The following ARHGAP10 variants were observed in gnomAD, a reference collection of about 807,000 sequenced individuals.
ARHGAP10 encodes the protein rho GTPase-activating protein 10.
ARHGAP10 carries 87 observed loss-of-function variants against 108.6 expected under a neutral mutation model. The observed-to-expected ratio is 0.80, with a 90% CI of 0.67 to 0.96. ARHGAP10 has a LOEUF of 0.96. Ranked by LOEUF, ARHGAP10 falls within the 40% of genes least tolerant of loss-of-function variation. The pLI, the probability that ARHGAP10 is intolerant of heterozygous loss-of-function variation, is 0.00. For synonymous variants in ARHGAP10, 347 were observed against 341.1 expected, an observed-to-expected ratio of 1.02 and a Z score of -0.19; for missense variants, 939 against 954.5, an observed-to-expected ratio of 0.98 and a Z score of 0.21.
At chr4:147,821,931 C>A (rs113773616) in intron 1 of ARHGAP10, among the ~76,000 whole-genome samples, 3,137 of 152,264 alleles carry the variant, frequency 0.021, 102 homozygotes, top group African/African-American at 0.068. Flanking sequence ...GCTGTGCCAA[C>A]CTTATGCAAA....
chr4:147,922,644 C>T (rs1272799689), intron 13 of ARHGAP10, among the ~76,000 whole-genome samples: 6 of 147,990 alleles, frequency 4.1e-5, no homozygotes, highest in Non-Finnish European at 7.4e-5. Context: ...GCCGAGATCC[C>T]GCCACTGCAC....
At chr4:147,738,557 C>T (rs1013269126) in intron 1 of ARHGAP10, among the ~76,000 whole-genome samples, 7 of 151,020 alleles carry the variant, frequency 4.6e-5, no homozygotes, top group East Asian at 3.9e-4. Context: ...TGTCTCCCCC[C>T]CCCAAAAAAA....
At chr4:148,039,693 T>G (rs1328024501) in intron 19 of ARHGAP10, among the ~76,000 whole-genome samples, 1 of 152,140 alleles carries the variant, frequency 6.6e-6, no homozygotes, top group African/African-American at 2.4e-5. Context: ...GATCTGCTTT[T>G]TCCATATGGG....
At chr4:147,799,931 G>A (rs2126759457) in intron 1 of ARHGAP10, among the ~76,000 whole-genome samples, 1 of 152,222 alleles carries the variant, frequency 6.6e-6, no homozygotes, top group African/African-American at 2.4e-5. Context: ...CGGGCAGTGG[G>A]AATGTTCTGA....
At chr4:147,897,687 A>G (rs149806117) in intron 10 of ARHGAP10, among the ~76,000 whole-genome samples, 4 of 152,326 alleles carry the variant, frequency 2.6e-5, no homozygotes, top group African/African-American at 7.2e-5. Flanking sequence ...CTAATTCTAC[A>G]TACACTATGA....
chr4:147,896,299 G>A (rs6843392), intron 10 of ARHGAP10, among the ~76,000 whole-genome samples: 15,978 of 151,738 alleles, frequency 0.11, 959 homozygotes, highest in East Asian at 0.28. Context: ...AAGTGTTTGA[G>A]GTAATTCACC....
intron 9 of ARHGAP10, among the ~76,000 whole-genome samples, chr4:147,881,568 A>G (rs991893958): frequency 6.6e-6 from 1 of 151,204 alleles, no homozygotes; most frequent in African/African-American, 2.4e-5. Context: ...AACCTGGGAG[A>G]TGGAGGTTGC....
chr4:148,018,141 G>A (rs1741421282), intron 18 of ARHGAP10, among the ~76,000 whole-genome samples: 1 of 152,110 alleles, frequency 6.6e-6, no homozygotes, highest in African/African-American at 2.4e-5. Flanking sequence ...TAAATACGTA[G>A]GTGCTGTGAA....
chr4:147,748,802 A>G (rs1394159577), intron 1 of ARHGAP10, among the ~76,000 whole-genome samples: 1 of 151,950 alleles, frequency 6.6e-6, no homozygotes, highest in East Asian at 1.9e-4. Flanking sequence ...CCCTATTTCT[A>G]AAAACAGGGT....
chr4:147,907,663 G>C (rs928539825), intron 11 of ARHGAP10, among the ~76,000 whole-genome samples: 1 of 152,202 alleles, frequency 6.6e-6, no homozygotes, highest in African/African-American at 2.4e-5. Flanking sequence ...AGGCTGATCA[G>C]TAGCGCATGT....
At position 147,901,588 on chromosome 4, in the gene ARHGAP10, C is replaced by T. The variant is rs549811601; in HGVS notation, c.1035-5050C>T. ...AGGGCTGTGTGGCTCAAGTTTGAGT[C>T]GTTGTGCTTGGAGGCAAGACATATA... is the stretch of plus-strand genomic sequence containing the variant. On this transcript the variant is annotated intron_variant, in intron 10 of 22. Transcript: ENST00000336498. 1.1e-4 allele frequency among the ~76,000 whole-genome samples: 16 copies of T among 152,320 alleles called. No individual in the cohort carries two copies. The South Asian group carries it at 2.3e-3, about 22-fold the overall frequency.
chr4:147,740,393 C>T (rs113965571), intron 1 of ARHGAP10, among the ~76,000 whole-genome samples: 1,563 of 152,268 alleles, frequency 0.01, 24 homozygotes, highest in East Asian at 0.031. Flanking sequence ...CCCTGAACCA[C>T]AGTAATGAGC....
chr4:147,951,158 A>G (rs1410285695), intron 15 of ARHGAP10, among the ~76,000 whole-genome samples: 1 of 152,192 alleles, frequency 6.6e-6, no homozygotes, highest in African/African-American at 2.4e-5. Flanking sequence ...TGATATAAGT[A>G]ACTTGTAGAA....
intron 20 of ARHGAP10, among the ~76,000 whole-genome samples, chr4:148,055,715 T>C (rs1422271107): frequency 6.6e-6 from 1 of 152,180 alleles, no homozygotes; most frequent in African/African-American, 2.4e-5. Flanking sequence ...AAGATATTTG[T>C]TCTCAAAGGT....
At chr4:147,859,530 T>C (rs999378989) in intron 5 of ARHGAP10, among the ~76,000 whole-genome samples, 2 of 152,190 alleles carry the variant, frequency 1.3e-5, no homozygotes, top group Non-Finnish European at 2.9e-5. Context: ...CACCTTGGCC[T>C]CCCAAAGTGC....
At chr4:148,057,610 G>A (rs915597207) in intron 20 of ARHGAP10, among the ~76,000 whole-genome samples, 5 of 152,232 alleles carry the variant, frequency 3.3e-5, no homozygotes, top group African/African-American at 1.2e-4. Flanking sequence ...AGGTGATGAC[G>A]ATGTTGACTA....
intron 19 of ARHGAP10, among the ~76,000 whole-genome samples, chr4:148,029,793 A>G (rs1728052438): frequency 6.6e-6 from 1 of 152,232 alleles, no homozygotes; most frequent in Admixed American, 6.5e-5. Context: ...TGTGAAGTTT[A>G]ATCTAAGACC....
At chr4:147,774,084 T>C (rs1730185766) in intron 1 of ARHGAP10, among the ~76,000 whole-genome samples, 1 of 152,196 alleles carries the variant, frequency 6.6e-6, no homozygotes, top group South Asian at 2.1e-4. Flanking sequence ...AATAATAATA[T>C]TCATAAGATA....
intron 1 of ARHGAP10, among the ~76,000 whole-genome samples, chr4:147,792,125 A>G (rs533231453): frequency 1.3e-5 from 2 of 152,356 alleles, no homozygotes; most frequent in Admixed American, 6.5e-5. Context: ...ATTGCTTTAC[A>G]CAGTAGTCAG....
Sources: gnomAD v4.1 joint callset for allele counts (sites outside exome capture counted in the v4.1 genomes callset) on GRCh38, gnomAD v4.1.1 for gene constraint, MANE v1.5 for transcripts, NCBI Gene and HGNC (gene_info 2026-07-23, HGNC 2026-07-21) for gene names.